The following GALNS variants were observed in gnomAD, a reference collection of about 807,000 sequenced individuals.
GALNS encodes the protein N-acetylgalactosamine-6-sulfatase.
GALNS carries 65 observed loss-of-function variants against 65.9 expected under a neutral mutation model. That is an observed-to-expected ratio of 0.99 (90% CI 0.81 to 1.21). The LOEUF (loss-of-function observed/expected upper bound fraction) is 1.21, where lower values mean the gene tolerates loss of function less well. Among genes scored for constraint, GALNS ranks in the 50% most tolerant of loss-of-function variants. The pLI, the probability that GALNS is intolerant of heterozygous loss-of-function variation, is 0.00. For missense variants in GALNS, 776 were observed against 700.7 expected (o/e 1.11, Z -1.21); for synonymous variants, 346 against 288.9 (o/e 1.20, Z -2.00).
intron 13 of GALNS, chr16:88,816,424 C>G: frequency 1.0e-6 from 1 of 985,432 alleles, no homozygotes; most frequent in Non-Finnish European, 1.2e-6. Flanking sequence ...CCTCCCTGCT[C>G]CACCACTGAG....
chr16:88,824,712 C>T (rs1308676591), intron 11 of GALNS, 55 bp downstream of exon 11: 36 of 1,483,474 alleles, frequency 2.4e-5, no homozygotes, highest in South Asian at 4.5e-5. Context: ...TCAGGGGCCA[C>T]GTCTGGATAG....
intron 1 of GALNS, chr16:88,843,500 G>T: frequency 3.0e-6 from 1 of 328,680 alleles, no homozygotes; most frequent in South Asian, 2.5e-5. Context: ...TGGAAGTAGG[G>T]TCTCTGCAGA....
At chr16:88,843,085 G>A (rs761639398) in intron 1 of GALNS, 2 of 1,501,680 alleles carry the variant, frequency 1.3e-6, no homozygotes, top group South Asian at 2.4e-5. Flanking sequence ...AGCCCACGCT[G>A]TCTTTCGCCT....
At chr16:88,821,151 A>G (rs1282353656) in intron 12 of GALNS, among the ~76,000 whole-genome samples, 1 of 149,200 alleles carries the variant, frequency 6.7e-6, no homozygotes, top group African/African-American at 2.5e-5. Context: ...AAACAATGAA[A>G]CTGCAGATGC....
At position 88,817,666 on chromosome 16, in the gene GALNS, G is replaced by C. The variant is rs114777380; in HGVS notation, c.1482+341C>G. Among the ~76,000 whole-genome samples the C allele has an allele frequency of 5.6e-3, 847 of 152,322 alleles. 11 individuals are homozygous for C. Among genetic ancestry groups the C allele is most frequent in the African/African-American group, 0.02 (811 of 41,562 alleles). ...GGGAGTCGAGGACCAGGGGACCCCG[G>C]ACCCTCTCACGCGCCCTGCTGTCCC... On this transcript the variant is annotated intron_variant, in intron 13 of 13. Transcript: ENST00000268695.
chr16:88,816,028 T>C, intron 13 of GALNS: 3 of 985,334 alleles, frequency 3.0e-6, no homozygotes, highest in Non-Finnish European at 3.6e-6. Context: ...GCCCCCAGGC[T>C]TCACACGCGT....
chr16:88,840,822 A>G, intron 4 of GALNS, 170 bp downstream of exon 4: 1 of 664,866 alleles, frequency 1.5e-6, no homozygotes, highest in Non-Finnish European at 2.8e-6. Flanking sequence ...TGGCAAGGTC[A>G]CGCTGGCCTG....
chr16:88,856,636 G>C, intron 1 of GALNS, 122 bp downstream of exon 1: 1 of 321,710 alleles, frequency 3.1e-6, no homozygotes, highest in South Asian at 1.9e-5. Flanking sequence ...CCTTCCCCAA[G>C]GGGCCTCCCC....
intron 13 of GALNS, chr16:88,816,092 C>A: frequency 1.0e-6 from 1 of 985,460 alleles, no homozygotes; most frequent in Non-Finnish European, 1.2e-6. Context: ...GCCCCTCAGA[C>A]CCCAGTGGCT....
At chr16:88,826,658 C>G (rs1184114827) in intron 10 of GALNS, 44 bp downstream of exon 10, 3 of 1,599,800 alleles carry the variant, frequency 1.9e-6, no homozygotes, top group African/African-American at 1.3e-5. Context: ...CTGGGCTTCA[C>G]TACTTGGATC....
rs769748679 is a variant in GALNS, at chr16:88,826,771, G to A, written c.1070C>T (p.Pro357Leu). ...TTSLALAGLT[P>L]PSDRAIDGLN... ...GCCATCAATGGCCCTGTCGCTGGGC[G>A]GCGTCAGGCCCGCAAGGGCCAGGCT... Residue 357 changes from proline (P) to leucine (L), a missense_variant, in exon 10 of 14, where the codon CCG (proline) becomes CTG (leucine). Physicochemically the swap from Pro to Leu is moderately conservative, Grantham distance 98 (BLOSUM62 -3). Coordinates refer to ENST00000268695, the MANE Select transcript of GALNS (RefSeq NM_000512.5). 2.4e-5 allele frequency: 38 copies of A among 1,608,576 alleles called. No homozygotes were observed. Among genetic ancestry groups the A allele is most frequent in the African/African-American group, 8.0e-5 (6 of 74,838 alleles).
intron 4 of GALNS, chr16:88,838,502 C>T (rs1377882978): frequency 6.5e-6 from 1 of 152,690 alleles, no homozygotes; most frequent in Non-Finnish European, 1.5e-5. Flanking sequence ...GGAACCCCTC[C>T]AGACCCCGTC....
intron 3 of GALNS, among the ~76,000 whole-genome samples, 179 bp from the exon 4 acceptor site, chr16:88,841,273 C>T (rs1966959846): frequency 6.6e-6 from 1 of 152,174 alleles, no homozygotes; most frequent in African/African-American, 2.4e-5. Flanking sequence ...AAGATTTTTC[C>T]AGGCACCCCT....
At chr16:88,824,210 C>A (rs930307138) in intron 11 of GALNS, among the ~76,000 whole-genome samples, 1 of 151,984 alleles carries the variant, frequency 6.6e-6, no homozygotes, top group African/African-American at 2.4e-5. Flanking sequence ...GCGTAGGGGT[C>A]AGCAGGGGCC....
chr16:88,853,311 C>T (rs192149615), intron 1 of GALNS, among the ~76,000 whole-genome samples: 168 of 150,892 alleles, frequency 1.1e-3, no homozygotes, highest in Non-Finnish European at 1.6e-3. Flanking sequence ...CCACGTTCAG[C>T]GAGCACAGCT....
At chr16:88,825,207 G>A (rs1232322592) in intron 10 of GALNS, among the ~76,000 whole-genome samples, 6 of 132,164 alleles carry the variant, frequency 4.5e-5, no homozygotes, top group Non-Finnish European at 9.7e-5. Context: ...GGGTGCCTGG[G>A]TGTCTGGGGC....
In GALNS at chr16:88,836,201, C is replaced by G; in HGVS notation, c.633G>C (p.Gln211His). Residue 211 changes from glutamine to histidine, a missense_variant and splice_region_variant, in exon 6 of 14, where the codon CAG (glutamine) becomes CAC (histidine). Physicochemically the swap from Gln to His is conservative, Grantham distance 24. Transcript: ENST00000268695. ...GCGAGGATGGTGCGGTCCCCATCAC[C>G]TGCAGGTAGATCTGGGTGAGGTTGG... ...GEANLTQIYL[Q>H]EALDFIKRQA... 6.2e-7 allele frequency: 1 copy of G among 1,613,420 alleles called. No homozygotes were observed. The highest frequency in any genetic ancestry group is 8.5e-7 in the Non-Finnish European group (1 of 1,179,678).
chr16:88,853,578 T>C (rs11866932), intron 1 of GALNS, among the ~76,000 whole-genome samples: 6,932 of 152,148 alleles, frequency 0.046, 517 homozygotes, highest in African/African-American at 0.16. Flanking sequence ...ATTTTCCAAA[T>C]AAGGAGTGGA....
chr16:88,855,302 A>G (rs945751998), intron 1 of GALNS: 1 of 700,144 alleles, frequency 1.4e-6, no homozygotes. Flanking sequence ...CAGCTCATCC[A>G]GCGAAGCTAT....
Sources: allele counts gnomAD v4.1 joint callset (sites outside exome capture counted in the v4.1 genomes callset), GRCh38; gene constraint gnomAD v4.1.1; transcripts MANE v1.5; gene names NCBI Gene and HGNC (gene_info 2026-07-23, HGNC 2026-07-21).